The following MEGF11 variants were observed in gnomAD, a reference collection of about 807,000 sequenced individuals.
MEGF11 encodes the protein multiple EGF like domains 11, also known as multiple epidermal growth factor-like domains protein 11.
Under a neutral mutation model 146.6 loss-of-function variants are expected in MEGF11, and 126 were observed. The observed-to-expected ratio is 0.86, with a 90% confidence interval of 0.74 to 1.00. The LOEUF (loss-of-function observed/expected upper bound fraction) is 1.00, where lower values mean the gene tolerates loss of function less well. Ranked by LOEUF, MEGF11 falls within the 50% of genes least tolerant of loss-of-function variation. MEGF11 has a pLI of 0.00. For missense variants in MEGF11, 1,509 were observed against 1,521.2 expected (o/e 0.99, Z 0.13); for synonymous variants, 532 against 583.4 (o/e 0.91, Z 1.27).
intron 4 of MEGF11, among the ~76,000 whole-genome samples, chr15:66,110,780 G>A (rs2087352306): frequency 6.6e-6 from 1 of 152,126 alleles, no homozygotes; most frequent in South Asian, 2.1e-4. Context: ...CTAGCAGCTA[G>A]GGAGAGGCTG....
At chr15:66,076,194 C>T (rs950611901) in intron 5 of MEGF11, among the ~76,000 whole-genome samples, 2 of 141,272 alleles carry the variant, frequency 1.4e-5, no homozygotes. Context: ...AATGGTTGGA[C>T]TGACAGACAG....
intron 1 of MEGF11, among the ~76,000 whole-genome samples, chr15:66,154,968 G>A (rs755528719): frequency 6.6e-6 from 1 of 152,240 alleles, no homozygotes; most frequent in Non-Finnish European, 1.5e-5. Flanking sequence ...CTCTCTGAGA[G>A]CCAACAAGAT....
intron 5 of MEGF11, among the ~76,000 whole-genome samples, chr15:66,013,427 C>T (rs1046272836): frequency 1.3e-5 from 2 of 151,834 alleles, no homozygotes; most frequent in African/African-American, 4.8e-5. Context: ...ACTTATGTTG[C>T]ACACCTGCAA....
At chr15:66,208,099 AAAGAAGAAG>A (rs1348687142) in intron 1 of MEGF11, among the ~76,000 whole-genome samples, 2 of 152,090 alleles carry the variant, frequency 1.3e-5, no homozygotes, top group Non-Finnish European at 2.9e-5. Flanking sequence ...AAAAAAAAAA[AAAGAAGAAG>A]AAGCAGAGAC....
intron 15 of MEGF11, among the ~76,000 whole-genome samples, chr15:65,918,749 C>G (rs780910528): frequency 4.6e-5 from 7 of 152,230 alleles, no homozygotes; most frequent in Non-Finnish European, 7.3e-5. Flanking sequence ...CACAGACCTT[C>G]CTGGAGGAGT....
chr15:66,070,770 G>A (rs1372209330), intron 5 of MEGF11, among the ~76,000 whole-genome samples: 2 of 152,284 alleles, frequency 1.3e-5, no homozygotes, highest in South Asian at 2.1e-4. Context: ...CAAGGCTGTC[G>A]AGGAAGTGGG....
At chr15:66,102,531 A>G (rs1291034368) in intron 4 of MEGF11, among the ~76,000 whole-genome samples, 1 of 151,296 alleles carries the variant, frequency 6.6e-6, no homozygotes, top group Non-Finnish European at 1.5e-5. Context: ...GGCTCAAGCA[A>G]TCCTCCTGCC....
rs547497021 is a variant in MEGF11, at chr15:65,953,805, C to T, written c.1287+3742G>A. Among the ~76,000 whole-genome samples the T allele has an allele frequency of 6.6e-5, 10 of 152,138 alleles. No homozygotes were observed. In the East Asian group the frequency reaches 1.5e-3, roughly 24 times the overall value. On this transcript the variant is annotated intron_variant, in intron 10 of 25. Coordinates refer to ENST00000395614, the MANE Select transcript of MEGF11 (RefSeq NM_001385028.1). Reference sequence around the variant, plus strand: ...CTTCTGCCCCGTGTCCCTGTGCTCTCGGGGGTGGAGACCACGTGACTAGGG... The same window carrying T: ...CTTCTGCCCCGTGTCCCTGTGCTCTTGGGGGTGGAGACCACGTGACTAGGG...
chr15:66,051,283 A>G (rs1252692715), intron 5 of MEGF11, among the ~76,000 whole-genome samples: 1 of 152,188 alleles, frequency 6.6e-6, no homozygotes, highest in East Asian at 1.9e-4. Flanking sequence ...GTTGGCGGGA[A>G]GAAGGGTGGA....
chr15:66,194,171 A>G (rs934933698), intron 1 of MEGF11, among the ~76,000 whole-genome samples: 2 of 152,244 alleles, frequency 1.3e-5, no homozygotes, highest in East Asian at 3.8e-4. Context: ...AGCCACAAAA[A>G]TGAATGAAAT....
chr15:66,035,485 G>T (rs74368114), intron 5 of MEGF11, among the ~76,000 whole-genome samples: 10,540 of 152,198 alleles, frequency 0.069, 892 homozygotes, highest in East Asian at 0.47. Flanking sequence ...TCCCTGGCCT[G>T]GGAGGCCCTT....
At chr15:66,043,435 G>T (rs2044072533) in intron 5 of MEGF11, among the ~76,000 whole-genome samples, 3 of 152,248 alleles carry the variant, frequency 2.0e-5, no homozygotes. Context: ...GGGATGTCTG[G>T]GCAGAAGCCA....
At chr15:65,994,776 G>A (rs920225460) in intron 5 of MEGF11, among the ~76,000 whole-genome samples, 2 of 152,192 alleles carry the variant, frequency 1.3e-5, no homozygotes, top group South Asian at 2.1e-4. Flanking sequence ...TCTGCTGATC[G>A]TCCAGCAGCA....
At chr15:66,008,666 T>A (rs1460323523) in intron 5 of MEGF11, among the ~76,000 whole-genome samples, 1 of 151,850 alleles carries the variant, frequency 6.6e-6, no homozygotes, top group Non-Finnish European at 1.5e-5. Flanking sequence ...TCTACAAAAA[T>A]TTTTAAAACT....
intron 1 of MEGF11, among the ~76,000 whole-genome samples, chr15:66,229,366 C>T (rs2091918106): frequency 6.6e-6 from 1 of 152,108 alleles, no homozygotes; most frequent in African/African-American, 2.4e-5. Flanking sequence ...ATGCACGTGT[C>T]CCAGCCGAAT....
chr15:65,922,711 A>G, intron 14 of MEGF11, 112 bp downstream of exon 14: 1 of 1,368,920 alleles, frequency 7.3e-7, no homozygotes, highest in Non-Finnish European at 9.9e-7. Flanking sequence ...GAAGGAAGAG[A>G]TGGGGGCTGA....
intron 5 of MEGF11, among the ~76,000 whole-genome samples, chr15:66,044,212 C>A (rs1037419339): frequency 2.6e-5 from 4 of 152,076 alleles, no homozygotes; most frequent in African/African-American, 9.7e-5. Context: ...GACCTGGGTT[C>A]GAATCCCATC....
chr15:66,074,568 T>C (rs2085499550), intron 5 of MEGF11, among the ~76,000 whole-genome samples: 2 of 152,254 alleles, frequency 1.3e-5, no homozygotes, highest in African/African-American at 4.8e-5. Context: ...TCACCATTTT[T>C]AAAAGTTAAA....
chr15:65,965,299 C>A, intron 8 of MEGF11, 179 bp from the exon 9 acceptor site: 1 of 532,712 alleles, frequency 1.9e-6, no homozygotes, highest in East Asian at 3.1e-5. Context: ...GTTTAGTTCG[C>A]CCCAGTCATT....
Sources: gnomAD v4.1 joint callset for allele counts (sites outside exome capture counted in the v4.1 genomes callset) on GRCh38, gnomAD v4.1.1 for gene constraint, MANE v1.5 for transcripts, NCBI Gene and HGNC (gene_info 2026-07-23, HGNC 2026-07-21) for gene names.